The following USP12 variants were observed in gnomAD, a reference collection of about 807,000 sequenced individuals.
USP12 encodes ubiquitin specific peptidase 12.
USP12 carries 19 observed loss-of-function variants against 45.5 expected under a neutral mutation model. That is an observed-to-expected ratio of 0.42 (90% confidence interval 0.29 to 0.61). The LOEUF (loss-of-function observed/expected upper bound fraction) is 0.61, where lower values mean the gene tolerates loss of function less well. Ranked by LOEUF, USP12 falls within the 20% of genes least tolerant of loss-of-function variation. The pLI, the probability that USP12 is intolerant of heterozygous loss-of-function variation, is 0.22. For missense variants in USP12, 242 were observed against 447.7 expected, an observed-to-expected ratio of 0.54 and a Z score of 4.15; for synonymous variants, 149 against 148.8, an observed-to-expected ratio of 1.00 and a Z score of -0.01.
In USP12 at chr13:27,095,780, G is replaced by A; in HGVS notation, c.394C>T (p.Leu132=). 2.5e-6 allele frequency: 4 copies of A among 1,610,436 alleles called. No individual in the cohort carries two copies. Among genetic ancestry groups the A allele is most frequent in the Non-Finnish European group, 3.4e-6 (4 of 1,178,734 alleles). ...QQDAHEFLNY[L]LNTIADILQE... is the part of the protein sequence containing the mutation. Reference sequence around the variant, plus strand: ...AAAATATCAGCAATTGTATTTAGTAGGTAATTTAAGAATTCATGGGCATCT... The same window carrying A: ...AAAATATCAGCAATTGTATTTAGTAAGTAATTTAAGAATTCATGGGCATCT... The change falls in exon 4 of 9, where the codon CTA becomes TTA. Residue 132 remains leucine, a synonymous_variant. Transcript: ENST00000282344.
At chr13:27,084,584 G>GGT (rs1565984022) in intron 6 of USP12, among the ~76,000 whole-genome samples, 2 of 151,776 alleles carry the variant, frequency 1.3e-5, no homozygotes, top group Non-Finnish European at 2.9e-5. Context: ...TAAGGTAAGG[G>GGT]TTCAACTTTA....
chr13:27,160,430 GA>G (rs140967288), intron 1 of USP12, among the ~76,000 whole-genome samples: 6 of 123,510 alleles, frequency 4.9e-5, no homozygotes, highest in African/African-American at 8.9e-5. Flanking sequence ...TCCTCAAATT[GA>G]AAAAAAAAAT....
At chr13:27,077,745 T>G (rs1873556414) in intron 6 of USP12, 1 of 152,276 alleles carries the variant, frequency 6.6e-6, no homozygotes, top group Non-Finnish European at 1.5e-5. Flanking sequence ...AAACTCATTA[T>G]GTAGATTTTG....
chr13:27,137,507 AG>A (rs1456923457), intron 1 of USP12, among the ~76,000 whole-genome samples: 8 of 152,248 alleles, frequency 5.3e-5, no homozygotes, highest in African/African-American at 1.9e-4. Flanking sequence ...GTAAATAGAT[AG>A]ATGTATACTT....
At chr13:27,072,132 AC>A (rs1873272107) in intron 7 of USP12, among the ~76,000 whole-genome samples, 1 of 152,154 alleles carries the variant, frequency 6.6e-6, no homozygotes, top group African/African-American at 2.4e-5. Flanking sequence ...GGAGGATGAC[AC>A]ATCAAAACTT....
intron 1 of USP12, among the ~76,000 whole-genome samples, chr13:27,171,169 C>T (rs968502658): frequency 6.6e-6 from 1 of 151,210 alleles, no homozygotes; most frequent in African/African-American, 2.4e-5. Flanking sequence ...GCCCCCTCCC[C>T]GACGACCCCG....
chr13:27,145,104 C>G (rs1289041608), intron 1 of USP12, among the ~76,000 whole-genome samples: 1 of 152,156 alleles, frequency 6.6e-6, no homozygotes, highest in Admixed American at 6.5e-5. Context: ...AAGTCTTGGG[C>G]TCTGTATCAA....
intron 1 of USP12, among the ~76,000 whole-genome samples, chr13:27,146,271 G>A (rs1877302934): frequency 6.6e-6 from 1 of 152,036 alleles, no homozygotes; most frequent in Admixed American, 6.6e-5. Flanking sequence ...GTGTGGTGGT[G>A]GGCATCTATA....
At chr13:27,103,906 A>G (rs1250048908) in intron 3 of USP12, among the ~76,000 whole-genome samples, 29 of 152,194 alleles carry the variant, frequency 1.9e-4, no homozygotes, top group Non-Finnish European at 2.9e-5. Context: ...TCTGTTCAGC[A>G]TGAGGGTCAA....
intron 1 of USP12, among the ~76,000 whole-genome samples, chr13:27,157,026 A>G (rs1036896182): frequency 6.6e-6 from 1 of 152,064 alleles, no homozygotes; most frequent in African/African-American, 2.4e-5. Context: ...AAAACAGACT[A>G]CTCCTCTCTA....
At chr13:27,097,377 A>G (rs1874637314) in intron 3 of USP12, among the ~76,000 whole-genome samples, 1 of 152,190 alleles carries the variant, frequency 6.6e-6, no homozygotes, top group South Asian at 2.1e-4. Context: ...AGGCAGAAGA[A>G]TCGCTTGAAC....
chr13:27,070,316 T>C (rs1873187268), intron 8 of USP12, among the ~76,000 whole-genome samples: 1 of 152,074 alleles, frequency 6.6e-6, no homozygotes, highest in African/African-American at 2.4e-5. Context: ...AAGCTGTAAG[T>C]TCTGACCAGA....
chr13:27,103,603 A>AT (rs1186257415), intron 3 of USP12, among the ~76,000 whole-genome samples: 873 of 80,686 alleles, frequency 0.011, 2 homozygotes, highest in Non-Finnish European at 0.013. Context: ...ACTATCAAAA[A>AT]AAAAAATAAT....
intron 2 of USP12, among the ~76,000 whole-genome samples, chr13:27,110,127 TAAAAAAA>T (rs1555234986): frequency 8.4e-6 from 1 of 119,620 alleles, no homozygotes; most frequent in African/African-American, 3.2e-5. Flanking sequence ...CTTTTCCAGG[TAAAAAAA>T]AAAAAAAAAA....
At chr13:27,116,418 G>T (rs1875744861) in intron 2 of USP12, 98 bp downstream of exon 2, 5 of 989,466 alleles carry the variant, frequency 5.1e-6, no homozygotes, top group East Asian at 4.0e-5. Context: ...TCTATTAATA[G>T]AAAAGAACAA....
intron 8 of USP12, among the ~76,000 whole-genome samples, chr13:27,070,149 GGC>G (rs1873175507): frequency 1.3e-5 from 2 of 152,168 alleles, no homozygotes; most frequent in Non-Finnish European, 2.9e-5. Context: ...TATTACCGCA[GGC>G]AACAAGAATG....
intron 6 of USP12, among the ~76,000 whole-genome samples, chr13:27,087,438 T>C (rs1874111784): frequency 6.6e-6 from 1 of 152,180 alleles, no homozygotes; most frequent in Non-Finnish European, 1.5e-5. Context: ...ACTGTGGTGG[T>C]GGCTACAAGA....
intron 1 of USP12, among the ~76,000 whole-genome samples, chr13:27,138,643 C>T (rs1029669779): frequency 6.6e-6 from 1 of 152,166 alleles, no homozygotes; most frequent in Non-Finnish European, 1.5e-5. Flanking sequence ...GAGTCAAACA[C>T]TGGTCATTAT....
At chr13:27,153,797 G>A (rs2137834494) in intron 1 of USP12, among the ~76,000 whole-genome samples, 1 of 152,276 alleles carries the variant, frequency 6.6e-6, no homozygotes, top group East Asian at 1.9e-4. Context: ...ATTCTTTCCT[G>A]TCTTCCTTAT....
Sources: gnomAD v4.1 joint callset for allele counts (sites outside exome capture counted in the v4.1 genomes callset) on GRCh38, gnomAD v4.1.1 for gene constraint, MANE v1.5 for transcripts, NCBI Gene and HGNC (gene_info 2026-07-23, HGNC 2026-07-21) for gene names.